The following ABHD2 variants were observed in gnomAD, a reference collection of about 807,000 sequenced individuals.
The protein encoded by ABHD2 is abhydrolase domain containing 2, acylglycerol lipase, also known as monoacylglycerol lipase ABHD2.
A neutral mutation model predicts 48.1 loss-of-function variants in ABHD2; 20 were observed. That is an observed-to-expected ratio of 0.42 (90% CI 0.29 to 0.60). The LOEUF (loss-of-function observed/expected upper bound fraction) is 0.60. Among genes scored for constraint, ABHD2 ranks in the 20% least tolerant of loss-of-function variants. The pLI is 0.24. For synonymous variants in ABHD2, 209 were observed against 214.2 expected (o/e 0.98, Z 0.21); for missense variants, 405 against 550.9 (o/e 0.74, Z 2.65).
At chr15:89,064,678 C>T in the ABHD2 span, among the ~76,000 whole-genome samples, 2 of 151,978 alleles carry the variant, frequency 1.3e-5, no homozygotes, top group Non-Finnish European at 2.9e-5. Flanking sequence ...GTATATTGCT[C>T]AACAGATATT....
chr15:89,145,453 A>G (rs1438880801), intron 3 of ABHD2, among the ~76,000 whole-genome samples: 1 of 152,190 alleles, frequency 6.6e-6, no homozygotes, highest in Non-Finnish European at 1.5e-5. Flanking sequence ...AAATGCCAAG[A>G]GTTGGGGACA....
chr15:89,132,330 G>A (rs762324507), intron 3 of ABHD2, among the ~76,000 whole-genome samples: 4 of 152,216 alleles, frequency 2.6e-5, no homozygotes, highest in South Asian at 4.2e-4. Context: ...CCCATAGAAG[G>A]GGCTAAATAA....
chr15:89,056,568 G>A, the ABHD2 span, among the ~76,000 whole-genome samples: 7 of 152,062 alleles, frequency 4.6e-5, no homozygotes, highest in South Asian at 2.1e-4. Context: ...ACGTGAACCC[G>A]GGAGGTGGAA....
At chr15:89,128,694 A>G (rs2050173388) in intron 3 of ABHD2, among the ~76,000 whole-genome samples, 1 of 152,038 alleles carries the variant, frequency 6.6e-6, no homozygotes, top group South Asian at 2.1e-4. Flanking sequence ...TCTGGTCTCT[A>G]TAGTTGCTTC....
In ABHD2 at chr15:89,092,319, C is replaced by T. The variant is rs1214284580; in HGVS notation, c.-107+3756C>T. On this transcript the variant is annotated intron_variant, in intron 1 of 10. Transcript: ENST00000352732. This position sits in a 1 kb window ranked among gnomAD's most constrained non-coding sequence, Gnocchi z 4.4. ...TGGTACCCTTGGATTTGCCTGGTTT[C>T]TGATTTTCTTTTGTTGTCTTTAAGT... Among the ~76,000 whole-genome samples the T allele has an allele frequency of 2.0e-5, 3 of 152,130 alleles. No homozygotes were observed. In the East Asian group the frequency reaches 5.8e-4, roughly 29 times the overall value.
the ABHD2 span, among the ~76,000 whole-genome samples, chr15:89,062,203 T>G: frequency 6.6e-6 from 1 of 152,154 alleles, no homozygotes; most frequent in Non-Finnish European, 1.5e-5. Flanking sequence ...GAGGCTATGC[T>G]GATATCCAGG....
rs1038712042 is a variant in ABHD2, at chr15:89,168,944, T to C, written c.539-6868T>C. On this transcript the variant is annotated intron_variant, in intron 5 of 10. Coordinates refer to ENST00000352732, the MANE Select transcript of ABHD2 (RefSeq NM_152924.5). This position sits in a 1 kb window ranked among gnomAD's most constrained non-coding sequence, Gnocchi z 4.8. ...CCCATCTCTACAAAAAATCAGAAAT[T>C]AGCTGGGTTTGGTGGCATGTGCCTA... 6.6e-6 allele frequency among the ~76,000 whole-genome samples: 1 copy of C among 152,000 alleles called. No homozygotes were observed. The highest frequency in any genetic ancestry group is 1.5e-5 in the Non-Finnish European group (1 of 67,992).
intron 3 of ABHD2, among the ~76,000 whole-genome samples, chr15:89,149,559 C>T (rs1186334948): frequency 6.6e-6 from 1 of 152,054 alleles, no homozygotes; most frequent in East Asian, 1.9e-4. Flanking sequence ...ATCAAGTCAC[C>T]TGGATGTTAG....
Position 89,092,933 on chromosome 15 carries a change from C to T in ABHD2, c.-107+4370C>T, listed in dbSNP as rs772246908. ...TAAAGATCTTGTGAATATTTGGAGG[C>T]AAATATTTTTCTTTTCTGTGAGAGC... On this transcript the variant is annotated intron_variant, in intron 1 of 10. Transcript: ENST00000352732. This position sits in a 1 kb window ranked among gnomAD's most constrained non-coding sequence, Gnocchi z 4.4. Among the ~76,000 whole-genome samples, 1 of 152,114 alleles carries T rather than the reference C, an allele frequency of 6.6e-6. No individual in the cohort carries two copies. Among genetic ancestry groups the T allele is most frequent in the Non-Finnish European group, 1.5e-5 (1 of 68,012 alleles).
rs933193659 is a variant in ABHD2, at chr15:89,175,207, T to C, written c.539-605T>C. ...AGCTAATCTCAAAGGATTTTGCTCT[T>C]GCATTTATTTATTTATTTACTTATT... On this transcript the variant is annotated intron_variant, in intron 5 of 10. Transcript: ENST00000352732. The surrounding 1 kb of genome is among the most constrained non-coding windows in gnomAD (Gnocchi z 5.7). Among the ~76,000 whole-genome samples the C allele has an allele frequency of 4.6e-5, 7 of 152,186 alleles. No homozygotes were observed. The highest frequency in any genetic ancestry group is 4.6e-4 in the Admixed American group (7 of 15,286).
At chr15:89,052,546 GACAGACAGACAGAC>G in the ABHD2 span, among the ~76,000 whole-genome samples, 40 of 137,092 alleles carry the variant, frequency 2.9e-4, no homozygotes, top group Admixed American at 4.3e-4. Context: ...CAGACAGACA[GACAGACAGACAGAC>G]ACACACACAC....
At position 89,155,896 on chromosome 15, in the gene ABHD2, T is replaced by C. The variant is rs2050665325; in HGVS notation, c.538+362T>C. On this transcript the variant is annotated intron_variant, in intron 5 of 10. Coordinates refer to ENST00000352732, the MANE Select transcript of ABHD2 (RefSeq NM_152924.5). The surrounding 1 kb of genome is among the most constrained non-coding windows in gnomAD (Gnocchi z 4.9). ...TTCTGATGCTCGTTCCTCAGGACTC[T>C]TGTGACTGACAGGCAAGGGTGTGAT... Among the ~76,000 whole-genome samples, 1 of 152,150 alleles carries C rather than the reference T, an allele frequency of 6.6e-6. No homozygotes were observed. Among genetic ancestry groups the C allele is most frequent in the African/African-American group, 2.4e-5 (1 of 41,422 alleles).
intron 1 of ABHD2, among the ~76,000 whole-genome samples, chr15:89,112,571 G>A (rs572565504): frequency 5.3e-4 from 80 of 152,320 alleles, no homozygotes; most frequent in African/African-American, 1.9e-3. Context: ...TGTTCTGAAG[G>A]TTAATTGATT....
upstream of ABHD2, among the ~76,000 whole-genome samples, chr15:89,086,470 A>G (rs559588375): frequency 2.6e-5 from 4 of 152,176 alleles, no homozygotes; most frequent in Non-Finnish European, 5.9e-5. Flanking sequence ...GCTGGAGTGC[A>G]GTGGTGCGAT....
At position 89,198,415 on chromosome 15, in the gene ABHD2, A is replaced by T. The variant is rs548220097; in HGVS notation, c.*2992A>T. On this transcript the variant is annotated 3_prime_UTR_variant, in exon 11 of 11. Transcript: ENST00000352732. The surrounding 1 kb of genome is among the most constrained non-coding windows in gnomAD (Gnocchi z 5.1). ...GGTGTCAAGTTTCTTTAATGTTTTTATGTTAGAAGTGAGTTTAACAGACTT... is the reference window on the plus strand; with the variant it reads ...GGTGTCAAGTTTCTTTAATGTTTTTTTGTTAGAAGTGAGTTTAACAGACTT... The T allele has an allele frequency of 2.0e-5, 3 of 152,354 alleles. No homozygotes were observed. The South Asian group carries it at 6.2e-4, about 32-fold the overall frequency. The allele number at this position is 152,354 out of a possible 1,614,324, so 9.4% of individuals were successfully genotyped here. A position where few individuals can be genotyped will look rare whatever the true frequency, so the allele number is the denominator to read the frequency against.
chr15:89,065,863 A>G, the ABHD2 span, among the ~76,000 whole-genome samples: 1 of 152,208 alleles, frequency 6.6e-6, no homozygotes, highest in Non-Finnish European at 1.5e-5. Flanking sequence ...AATTGCAGAG[A>G]ATGGAATCTG....
At chr15:89,042,131 A>T in the ABHD2 span, among the ~76,000 whole-genome samples, 1 of 152,332 alleles carries the variant, frequency 6.6e-6, no homozygotes, top group South Asian at 2.1e-4. Context: ...ACACCAGTAC[A>T]TTATTGTCTC....
chr15:89,087,081 G>C (rs1901379305), upstream of ABHD2: 1 of 152,202 alleles, frequency 6.6e-6, no homozygotes, highest in Non-Finnish European at 1.5e-5. This position sits in a 1 kb window ranked among gnomAD's most constrained non-coding sequence, Gnocchi z 5.5. Context: ...TCAGGCCTGA[G>C]AAGCTATTTC....
intron 3 of ABHD2, among the ~76,000 whole-genome samples, chr15:89,145,503 C>A (rs2050476020): frequency 6.6e-6 from 1 of 152,124 alleles, no homozygotes; most frequent in South Asian, 2.1e-4. Context: ...TAGATGGGAA[C>A]ATGATGGTTT....
Sources: gnomAD v4.1 joint callset for allele counts (sites outside exome capture counted in the v4.1 genomes callset) on GRCh38, gnomAD v4.1.1 for gene constraint, Gnocchi (gnomAD v3.1) non-coding constraint, MANE v1.5 for transcripts, NCBI Gene and HGNC (gene_info 2026-07-23, HGNC 2026-07-21) for gene names.